Variants in CNTN1 observed in about 807,000 individuals in gnomAD.
CNTN1 encodes contactin-1.
In CNTN1, 38 loss-of-function variants were observed where a neutral mutation model predicts 126.4. That is an observed-to-expected ratio of 0.30 (90% confidence interval 0.23 to 0.39). The LOEUF is 0.39. Ranked by LOEUF, CNTN1 falls within the 10% of genes least tolerant of loss-of-function variation. The pLI is 1.00. For missense variants in CNTN1, 1,009 were observed against 1,248.4 expected, an observed-to-expected ratio of 0.81 and a Z score of 2.89; for synonymous variants, 413 against 422.6, an observed-to-expected ratio of 0.98 and a Z score of 0.28.
chr12:40,744,514 G>A (rs976772547), intron 1 of CNTN1, among the ~76,000 whole-genome samples: 1 of 152,028 alleles, frequency 6.6e-6, no homozygotes, highest in Non-Finnish European at 1.5e-5. Flanking sequence ...GAGGGCCACA[G>A]GTGATTGAAG....
chr12:40,735,764 T>A (rs1267977452), intron 1 of CNTN1, among the ~76,000 whole-genome samples: 1 of 152,074 alleles, frequency 6.6e-6, no homozygotes, highest in Non-Finnish European at 1.5e-5. Context: ...CAGTTACATA[T>A]CTCAGACACA....
intron 1 of CNTN1, among the ~76,000 whole-genome samples, chr12:40,864,018 C>CT (rs1943210150): frequency 3.3e-5 from 3 of 90,434 alleles, no homozygotes; most frequent in African/African-American, 6.9e-5. Flanking sequence ...TCTCTGCTTT[C>CT]CTTTTTTTTT....
intron 1 of CNTN1, among the ~76,000 whole-genome samples, chr12:40,779,474 G>A (rs1939710070): frequency 6.6e-6 from 1 of 151,800 alleles, no homozygotes; most frequent in Non-Finnish European, 1.5e-5. Context: ...TAGTTATGGA[G>A]TAAGAAAATA....
At chr12:40,786,036 T>A (rs994080756) in intron 1 of CNTN1, among the ~76,000 whole-genome samples, 34 of 152,196 alleles carry the variant, frequency 2.2e-4, no homozygotes, top group Non-Finnish European at 4.4e-4. Flanking sequence ...ACATTGTGTC[T>A]TATGACAACA....
chr12:40,873,967 G>C (rs1943588179), intron 1 of CNTN1, among the ~76,000 whole-genome samples: 1 of 152,082 alleles, frequency 6.6e-6, no homozygotes, highest in East Asian at 1.9e-4. Context: ...CTGGAGCACA[G>C]GGAGCTGACC....
At chr12:40,804,689 C>T (rs903456512) in intron 1 of CNTN1, among the ~76,000 whole-genome samples, 1 of 151,920 alleles carries the variant, frequency 6.6e-6, no homozygotes, top group Admixed American at 6.6e-5. Flanking sequence ...CTCAGGGTAA[C>T]TGGAGCACAG....
intron 17 of CNTN1, 146 bp downstream of exon 17, chr12:40,993,415 TC>T: frequency 1.5e-6 from 1 of 650,430 alleles, no homozygotes; most frequent in Non-Finnish European, 2.6e-6. Context: ...ATCAAGACAG[TC>T]AAAAATCAAA....
chr12:41,027,962 G>T lies in CNTN1; in HGVS notation c.2816G>T (p.Gly939Val), dbSNP rs1248588484. ...VALSNESTVT[G>V]YKVLYRPDGQ... ...CTATCAAATGAATCTACAGTGACGG[G>T]ATATAAGGTATATACAAATAGTGAT... Residue 939 changes from glycine (G) to valine (V), a missense_variant, in exon 22 of 24, where the codon GGA becomes GTA. Gly to Val is a moderately radical substitution (Grantham distance 109). Transcript: ENST00000551295. 1.9e-6 allele frequency: 3 copies of T among 1,584,376 alleles called. No homozygotes were observed.
chr12:40,938,702 GT>G (rs1486753139), intron 11 of CNTN1, among the ~76,000 whole-genome samples: 1 of 152,124 alleles, frequency 6.6e-6, no homozygotes, highest in Non-Finnish European at 1.5e-5. Context: ...TACTTTCCTT[GT>G]GGAATTGAGT....
intron 1 of CNTN1, among the ~76,000 whole-genome samples, chr12:40,830,936 CATAT>C (rs10592424): frequency 0.13 from 8,651 of 65,970 alleles, 462 homozygotes; most frequent in African/African-American, 0.22. Context: ...TATACATATA[CATAT>C]ATATATATAT....
At chr12:40,993,847 TACATGCGAACC>T (rs1948151009) in intron 17 of CNTN1, among the ~76,000 whole-genome samples, 1 of 152,258 alleles carries the variant, frequency 6.6e-6, no homozygotes, top group Admixed American at 6.5e-5. Flanking sequence ...TCTTCAGAGT[TACATGCGAACC>T]ACTGATAGTG....
chr12:40,784,479 C>A (rs1204299283), intron 1 of CNTN1, among the ~76,000 whole-genome samples: 1 of 152,088 alleles, frequency 6.6e-6, no homozygotes, highest in Non-Finnish European at 1.5e-5. Flanking sequence ...CTCTTTCTGG[C>A]AGGTTATAAA....
At chr12:40,813,028 C>CTTTCTTT (rs1555162790) in intron 1 of CNTN1, among the ~76,000 whole-genome samples, 1 of 33,842 alleles carries the variant, frequency 3.0e-5, no homozygotes, top group African/African-American at 7.0e-5. Context: ...TTCTTTCTTT[C>CTTTCTTT]TCTTTCTTTC....
chr12:41,018,692 A>ATG (rs1491171969), intron 19 of CNTN1, among the ~76,000 whole-genome samples: 1 of 89,564 alleles, frequency 1.1e-5, no homozygotes, highest in Non-Finnish European at 2.1e-5. Flanking sequence ...GTGTATTTTA[A>ATG]TATATGTGTG....
chr12:40,833,094 C>T (rs1051897993), intron 1 of CNTN1, among the ~76,000 whole-genome samples: 3 of 151,820 alleles, frequency 2.0e-5, no homozygotes, highest in Middle Eastern at 6.8e-3. Flanking sequence ...TTCATTCTGT[C>T]GCCCAGGCTG....
At chr12:40,717,958 G>T (rs957884808) in intron 1 of CNTN1, among the ~76,000 whole-genome samples, 2 of 152,122 alleles carry the variant, frequency 1.3e-5, no homozygotes, top group African/African-American at 2.4e-5. Flanking sequence ...AAAGAAGAAA[G>T]ATTCTAAATT....
chr12:40,941,283 T>C (rs755912094), intron 12 of CNTN1, among the ~76,000 whole-genome samples: 9 of 152,152 alleles, frequency 5.9e-5, no homozygotes, highest in Non-Finnish European at 1.3e-4. Flanking sequence ...ATAGTAGATA[T>C]AGTATTCATA....
intron 1 of CNTN1, among the ~76,000 whole-genome samples, chr12:40,696,851 ATCC>A (rs1271345765): frequency 6.6e-6 from 1 of 152,158 alleles, no homozygotes; most frequent in African/African-American, 2.4e-5. Context: ...GTACAAAGAG[ATCC>A]TATTTCAATC....
intron 14 of CNTN1, among the ~76,000 whole-genome samples, chr12:40,949,920 G>A (rs1451738337): frequency 2.6e-5 from 4 of 151,944 alleles, no homozygotes; most frequent in African/African-American, 7.3e-5. Flanking sequence ...CCAGAATTAT[G>A]TGGGAGAAAA....
Sources: allele counts gnomAD v4.1 joint callset (sites outside exome capture counted in the v4.1 genomes callset), GRCh38; gene constraint gnomAD v4.1.1; transcripts MANE v1.5; gene names NCBI Gene and HGNC (gene_info 2026-07-23, HGNC 2026-07-21).